The following SYNPR variants were observed in gnomAD, a reference collection of about 807,000 sequenced individuals.
The protein encoded by SYNPR is synaptoporin.
In SYNPR, 23 loss-of-function variants were observed where a neutral mutation model predicts 32.9. The ratio of observed to expected loss-of-function variants is 0.70; its 90% CI spans 0.50 to 0.99. SYNPR has a LOEUF of 0.99. Ranked by LOEUF, SYNPR falls within the 50% of genes least tolerant of loss-of-function variation. The pLI, the probability that SYNPR is intolerant of heterozygous loss-of-function variation, is 0.00. For missense variants in SYNPR, 318 were observed against 349.3 expected (o/e 0.91, Z 0.71); for synonymous variants, 146 against 135.9 (o/e 1.07, Z -0.52).
chr3:63,385,966 T>C (rs1426979989), intron 2 of SYNPR, among the ~76,000 whole-genome samples: 1 of 152,254 alleles, frequency 6.6e-6, no homozygotes, highest in East Asian at 1.9e-4. Flanking sequence ...TGTCAAGACC[T>C]TGCTAGAAAA....
intron 4 of SYNPR, among the ~76,000 whole-genome samples, chr3:63,563,999 G>A (rs1050516586): frequency 1.4e-4 from 21 of 147,840 alleles, no homozygotes; most frequent in African/African-American, 4.7e-4. Flanking sequence ...AAGACAACTC[G>A]AGAGCATCTT....
At chr3:63,334,305 G>A (rs879548432) in intron 2 of SYNPR, among the ~76,000 whole-genome samples, 4 of 152,220 alleles carry the variant, frequency 2.6e-5, no homozygotes, top group Non-Finnish European at 4.4e-5. Flanking sequence ...CAACCTTGGT[G>A]GCTTTGGCAA....
chr3:63,347,927 A>G (rs2087458778), intron 2 of SYNPR, among the ~76,000 whole-genome samples: 1 of 148,720 alleles, frequency 6.7e-6, no homozygotes. Context: ...GTATGTATAT[A>G]TCACATTTTC....
intron 4 of SYNPR, among the ~76,000 whole-genome samples, chr3:63,562,087 T>A (rs544110806): frequency 9.8e-4 from 150 of 152,290 alleles, no homozygotes; most frequent in South Asian, 1.7e-3. Context: ...AGCAGAAATG[T>A]CCGTGTGAAT....
At chr3:63,545,678 A>G (rs1405690637) in intron 3 of SYNPR, 1 of 152,140 alleles carries the variant, frequency 6.6e-6, no homozygotes, top group Non-Finnish European at 1.5e-5. Context: ...AGCAAACAGT[A>G]TATTAAAGAT....
chr3:63,254,996 T>C (rs1315462041), intron 2 of SYNPR, among the ~76,000 whole-genome samples: 1 of 152,112 alleles, frequency 6.6e-6, no homozygotes, highest in African/African-American at 2.4e-5. Context: ...GACACCTTGA[T>C]CTTGGACTTG....
In SYNPR at chr3:63,483,708, T is replaced by A. The variant is rs1342498499; in HGVS notation, c.209+2752T>A. Among the ~76,000 whole-genome samples the A allele has an allele frequency of 3.3e-5, 5 of 152,116 alleles. No homozygotes were observed. In the East Asian group the frequency reaches 9.6e-4, roughly 29 times the overall value. On this transcript the variant is annotated intron_variant, in intron 3 of 5. Coordinates refer to ENST00000478300, the MANE Select transcript of SYNPR (RefSeq NM_001130003.2). ...AGAGAAATAACTTACAGGAACCCCATCTGAAATTCCAAATGGATTGAAGTA... is the reference window on the plus strand; with the variant it reads ...AGAGAAATAACTTACAGGAACCCCAACTGAAATTCCAAATGGATTGAAGTA...
At chr3:63,348,920 T>C (rs2087471410) in intron 2 of SYNPR, among the ~76,000 whole-genome samples, 1 of 152,208 alleles carries the variant, frequency 6.6e-6, no homozygotes, top group African/African-American at 2.4e-5. Flanking sequence ...TGTAACATTG[T>C]AGTATAATTT....
At chr3:63,369,354 T>TA (rs2087767735) in intron 2 of SYNPR, among the ~76,000 whole-genome samples, 2 of 152,206 alleles carry the variant, frequency 1.3e-5, no homozygotes, top group Non-Finnish European at 2.9e-5. Context: ...AGCAAACTGA[T>TA]AGAGTCTGCA....
chr3:63,491,519 T>C (rs1349255842), intron 3 of SYNPR, among the ~76,000 whole-genome samples: 1 of 152,084 alleles, frequency 6.6e-6, no homozygotes, highest in Non-Finnish European at 1.5e-5. Flanking sequence ...TATGTGTATA[T>C]GCATATATAT....
upstream of SYNPR, among the ~76,000 whole-genome samples, chr3:63,277,331 A>G (rs2086586449): frequency 6.6e-6 from 1 of 152,166 alleles, no homozygotes; most frequent in Non-Finnish European, 1.5e-5. Flanking sequence ...GCTCATAGAA[A>G]GAACTCACTT....
intron 3 of SYNPR, among the ~76,000 whole-genome samples, chr3:63,529,208 C>A (rs1702068444): frequency 6.6e-6 from 1 of 152,248 alleles, no homozygotes; most frequent in Non-Finnish European, 1.5e-5. Context: ...AAGTCCCTAG[C>A]ATAAAATGGA....
the SYNPR span, among the ~76,000 whole-genome samples, chr3:63,204,770 A>G: frequency 1.6e-4 from 24 of 151,462 alleles, no homozygotes; most frequent in Admixed American, 1.3e-3. Context: ...TGCAACCTCC[A>G]CCTCCTAGGT....
At chr3:63,381,008 T>C (rs2087961082) in intron 2 of SYNPR, among the ~76,000 whole-genome samples, 1 of 152,096 alleles carries the variant, frequency 6.6e-6, no homozygotes, top group Admixed American at 6.6e-5. Flanking sequence ...AGGGATGCCC[T>C]CTCTCACCAC....
At chr3:63,464,586 C>G (rs1343515609) in intron 2 of SYNPR, among the ~76,000 whole-genome samples, 1 of 152,144 alleles carries the variant, frequency 6.6e-6, no homozygotes, top group African/African-American at 2.4e-5. Context: ...GGAGCCCCAT[C>G]CAATGCCTCC....
chr3:63,576,635 C>CA (rs1165201224), intron 4 of SYNPR, among the ~76,000 whole-genome samples: 3 of 151,540 alleles, frequency 2.0e-5, no homozygotes, highest in African/African-American at 7.3e-5. Context: ...ACTAAAAATA[C>CA]AAAAAATTAG....
chr3:63,412,158 C>G (rs2088474866), intron 2 of SYNPR, among the ~76,000 whole-genome samples: 1 of 152,044 alleles, frequency 6.6e-6, no homozygotes, highest in Non-Finnish European at 1.5e-5. Context: ...GCAACTGATA[C>G]AAGGACCACT....
At chr3:63,302,225 T>G (rs1196025777) in intron 2 of SYNPR, among the ~76,000 whole-genome samples, 1 of 152,078 alleles carries the variant, frequency 6.6e-6, no homozygotes, top group Non-Finnish European at 1.5e-5. Flanking sequence ...GAGTTGCAGT[T>G]GCCCTCCTTG....
intron 4 of SYNPR, among the ~76,000 whole-genome samples, chr3:63,603,783 A>G (rs1237798780): frequency 6.6e-6 from 1 of 152,174 alleles, no homozygotes; most frequent in South Asian, 2.1e-4. Flanking sequence ...TATGTTCATC[A>G]AGGATATTGG....
Sources: gnomAD v4.1 joint callset for allele counts (sites outside exome capture counted in the v4.1 genomes callset) on GRCh38, gnomAD v4.1.1 for gene constraint, MANE v1.5 for transcripts, NCBI Gene and HGNC (gene_info 2026-07-23, HGNC 2026-07-21) for gene names.